The following TBC1D14 variants were observed in gnomAD, a reference collection of about 807,000 sequenced individuals.
TBC1D14 encodes the protein TBC1 domain family member 14, also known as TBC1 domain family, member 14.
Under a neutral mutation model 79.0 loss-of-function variants are expected in TBC1D14, and 26 were observed. The observed-to-expected ratio is 0.33, with a 90% confidence interval of 0.24 to 0.46. The LOEUF (loss-of-function observed/expected upper bound fraction) is 0.46. Among genes scored for constraint, TBC1D14 ranks in the 20% least tolerant of loss-of-function variants. TBC1D14 has a pLI of 1.00. For synonymous variants in TBC1D14, 394 were observed against 349.9 expected (o/e 1.13, Z -1.40); for missense variants, 769 against 887.6 (o/e 0.87, Z 1.70).
At chr4:6,913,610 A>G (rs1723169694) in intron 1 of TBC1D14, among the ~76,000 whole-genome samples, 1 of 152,214 alleles carries the variant, frequency 6.6e-6, no homozygotes, top group Admixed American at 6.5e-5. Context: ...TTATTAGAGC[A>G]TGTGATGGCA....
rs34268749 is a variant in TBC1D14, at chr4:6,988,885, C to CTTTTTTTT, written c.844-5283_844-5276dup. Among the ~76,000 whole-genome samples the CTTTTTTTT allele has an allele frequency of 3.2e-3, 248 of 76,812 alleles. 1 individual carries two copies. The highest frequency in any genetic ancestry group is 0.011 in the Middle Eastern group (1 of 90). The allele number at this position is 76,812 out of a possible 152,430, so 50.4% of individuals were successfully genotyped here. A position where few individuals can be genotyped will look rare whatever the true frequency, so the allele number is the denominator to read the frequency against. Reference sequence around the variant, plus strand: ...TTCTTTTTTCTTTCTTTCTTTCTTTCTTTTTTTTTTTTTTTTTTTTTTTGA... The same window carrying CTTTTTTTT: ...TTCTTTTTTCTTTCTTTCTTTCTTTCTTTTTTTTTTTTTTTTTTTTTTTTTTTTTTTGA... On this transcript the variant is annotated intron_variant, in intron 3 of 13. Coordinates refer to ENST00000409757, the MANE Select transcript of TBC1D14 (RefSeq NM_020773.3).
At chr4:6,984,882 C>T (rs1257820824) in intron 3 of TBC1D14, among the ~76,000 whole-genome samples, 1 of 152,190 alleles carries the variant, frequency 6.6e-6, no homozygotes, top group Non-Finnish European at 1.5e-5. Context: ...ACCTTGGACT[C>T]GGCAGTGGTG....
At chr4:7,019,456 CG>C (rs1482927033) in intron 12 of TBC1D14, among the ~76,000 whole-genome samples, 1 of 152,108 alleles carries the variant, frequency 6.6e-6, no homozygotes, top group Non-Finnish European at 1.5e-5. Context: ...CCTTAGGAGC[CG>C]GGAGCATCTT....
chr4:6,914,270 C>T (rs185712807), intron 1 of TBC1D14, among the ~76,000 whole-genome samples: 9 of 152,240 alleles, frequency 5.9e-5, no homozygotes, highest in Admixed American at 2.0e-4. Context: ...CCTGGTTTGC[C>T]GAAACATACA....
At chr4:7,003,029 A>G (rs940476713) in intron 7 of TBC1D14, among the ~76,000 whole-genome samples, 6 of 152,120 alleles carry the variant, frequency 3.9e-5, no homozygotes, top group Non-Finnish European at 5.9e-5. Flanking sequence ...GAGAGCCCTA[A>G]GGTTTTGCTC....
chr4:6,955,909 C>T lies in TBC1D14; in HGVS notation c.723-11395C>T, dbSNP rs141956313. On this transcript the variant is annotated intron_variant, in intron 2 of 13. Transcript: ENST00000409757. ...CTCTGTGTTGTTTAGGTGGACGAGT[C>T]TGGGCCCATCTCCCCAGCCTCCTAC... 3.9e-5 allele frequency among the ~76,000 whole-genome samples: 6 copies of T among 152,264 alleles called. No individual in the cohort carries two copies. In the East Asian group the frequency reaches 1.2e-3, roughly 29 times the overall value.
At chr4:6,934,820 G>C (rs1222627294) in intron 2 of TBC1D14, among the ~76,000 whole-genome samples, 2 of 152,190 alleles carry the variant, frequency 1.3e-5, no homozygotes, top group African/African-American at 4.8e-5. Context: ...CCTCACACCT[G>C]TAATCCCAGC....
At chr4:6,912,253 G>A (rs551137259) in intron 1 of TBC1D14, among the ~76,000 whole-genome samples, 3 of 152,166 alleles carry the variant, frequency 2.0e-5, no homozygotes, top group Admixed American at 6.5e-5. Context: ...GCTGGTTGTG[G>A]TGGTGCGTGC....
intron 13 of TBC1D14, among the ~76,000 whole-genome samples, chr4:7,027,403 A>G (rs1053390929): frequency 5.6e-5 from 6 of 107,700 alleles, no homozygotes; most frequent in South Asian, 3.8e-4. Flanking sequence ...CACCCACACA[A>G]TCACCCCCCA....
intron 11 of TBC1D14, among the ~76,000 whole-genome samples, chr4:7,011,545 G>GT (rs149496962): frequency 0.015 from 2,334 of 151,378 alleles, 19 homozygotes; most frequent in Middle Eastern, 0.038. Context: ...GGTTTTTTTT[G>GT]TTTTTTTTGT....
chr4:6,985,517 CAT>C (rs1203926679), intron 3 of TBC1D14, among the ~76,000 whole-genome samples: 1 of 152,164 alleles, frequency 6.6e-6, no homozygotes, highest in African/African-American at 2.4e-5. Context: ...TTTGTACACA[CAT>C]ATATGCGTAA....
intron 2 of TBC1D14, among the ~76,000 whole-genome samples, chr4:6,936,264 C>T (rs1255513704): frequency 6.6e-6 from 1 of 152,228 alleles, no homozygotes; most frequent in Non-Finnish European, 1.5e-5. Flanking sequence ...GGCCGTATCA[C>T]ACTGAGGAGT....
intron 3 of TBC1D14, among the ~76,000 whole-genome samples, chr4:6,977,690 G>C (rs1205414664): frequency 7.0e-5 from 9 of 128,214 alleles, no homozygotes; most frequent in African/African-American, 2.6e-4. Context: ...GTCTCTGCCA[G>C]GCCGCCATCC....
At chr4:6,935,514 G>C (rs187916205) in intron 2 of TBC1D14, among the ~76,000 whole-genome samples, 1 of 151,964 alleles carries the variant, frequency 6.6e-6, no homozygotes, top group African/African-American at 2.4e-5. Flanking sequence ...ACTCTCGTGC[G>C]TGCTCTCTCC....
intron 1 of TBC1D14, 172 bp downstream of exon 1, chr4:6,910,123 G>T (rs1282943740): frequency 5.3e-5 from 8 of 150,894 alleles, no homozygotes; most frequent in African/African-American, 1.7e-4. Flanking sequence ...GCTCCTGCAC[G>T]CCAGGGCAGC....
intron 2 of TBC1D14, among the ~76,000 whole-genome samples, chr4:6,924,747 C>T (rs924285755): frequency 3.3e-5 from 5 of 152,262 alleles, no homozygotes; most frequent in South Asian, 2.1e-4. Context: ...CTGGGGGGGC[C>T]GCGCCTTCAG....
rs1047410209 is a variant in TBC1D14, at chr4:6,918,894, A to G, written c.-17-4479A>G. On this transcript the variant is annotated intron_variant, in intron 1 of 13. Coordinates refer to ENST00000409757, the MANE Select transcript of TBC1D14 (RefSeq NM_020773.3). ...GTATATATTTGAATCATCCTGGATT[A>G]TATCTTACTTTTGTGAATTCTCTTA... Among the ~76,000 whole-genome samples, 29 of 152,152 alleles carry G rather than the reference A, an allele frequency of 1.9e-4. 1 individual carries two copies. The highest frequency in any genetic ancestry group is 1.8e-3 in the Admixed American group (27 of 15,268).
At chr4:6,943,444 C>G (rs1051869931) in intron 2 of TBC1D14, among the ~76,000 whole-genome samples, 1 of 152,224 alleles carries the variant, frequency 6.6e-6, no homozygotes, top group African/African-American at 2.4e-5. Context: ...AGGATGAAGT[C>G]CAGACCAGTT....
chr4:7,008,725 A>G (rs1190318899), intron 9 of TBC1D14, among the ~76,000 whole-genome samples: 1 of 152,228 alleles, frequency 6.6e-6, no homozygotes, highest in Non-Finnish European at 1.5e-5. Context: ...CATTGTTTTC[A>G]TTTAAGAAAT....
Sources: allele counts gnomAD v4.1 joint callset (sites outside exome capture counted in the v4.1 genomes callset), GRCh38; gene constraint gnomAD v4.1.1; transcripts MANE v1.5; gene names NCBI Gene and HGNC (gene_info 2026-07-23, HGNC 2026-07-21).